SEMA5B: variants seen among roughly 807,000 people sequenced by gnomAD.
SEMA5B encodes the protein semaphorin-5B.
In SEMA5B, 66 loss-of-function variants were observed where a neutral mutation model predicts 135.0. The ratio of observed to expected loss-of-function variants is 0.49; its 90% CI spans 0.40 to 0.60. The LOEUF (loss-of-function observed/expected upper bound fraction) is 0.60, where lower values mean the gene tolerates loss of function less well. Ranked by LOEUF, SEMA5B falls within the 20% of genes least tolerant of loss-of-function variation. The probability of loss-of-function intolerance (pLI) is 0.00; values close to 1 mark genes in which losing one functional copy is unlikely to be tolerated. For synonymous variants in SEMA5B, 690 were observed against 639.5 expected (o/e 1.08, Z -1.19); for missense variants, 1,501 against 1,566.3 (o/e 0.96, Z 0.70).
chr3:123,022,883 C>T (rs755309769), intron 1 of SEMA5B, among the ~76,000 whole-genome samples: 4 of 152,210 alleles, frequency 2.6e-5, no homozygotes, highest in Non-Finnish European at 4.4e-5. Context: ...TCAGCTGGAA[C>T]TTCTCCCTGC....
chr3:122,948,588 G>A lies in SEMA5B; in HGVS notation c.246C>T (p.Ser82=), dbSNP rs769828234. Residue 82 remains serine, a synonymous_variant, in exon 3 of 23, where the codon TCC becomes TCT. Coordinates refer to ENST00000357599, the MANE Select transcript of SEMA5B (RefSeq NM_001031702.4). ...GCTCACTGGAGACATCCTGGGAGCT[G>A]GAGAGGTGGGACACCAGCAGTGTGA... ...PSLTLLVSHL[S]SSQDVSSEPS... 3.1e-6 allele frequency: 5 copies of A among 1,614,026 alleles called. No homozygotes were observed. The highest frequency in any genetic ancestry group is 4.2e-6 in the Non-Finnish European group (5 of 1,179,934).
chr3:122,989,154 T>C (rs764498086), intron 1 of SEMA5B, among the ~76,000 whole-genome samples: 4 of 152,242 alleles, frequency 2.6e-5, no homozygotes, highest in Non-Finnish European at 5.9e-5. Context: ...TCCACACCCC[T>C]GCTCTGGGAG....
At chr3:122,970,023 G>T (rs1362501382) in intron 1 of SEMA5B, among the ~76,000 whole-genome samples, 1 of 152,166 alleles carries the variant, frequency 6.6e-6, no homozygotes, top group African/African-American at 2.4e-5. Context: ...CCGTGTCTCG[G>T]CTGATGTTCA....
intron 1 of SEMA5B, among the ~76,000 whole-genome samples, chr3:122,969,537 C>G (rs1228652874): frequency 6.6e-6 from 1 of 152,206 alleles, no homozygotes; most frequent in East Asian, 1.9e-4. Flanking sequence ...CTGCCAGGGC[C>G]TCTGATCGTA....
chr3:123,013,480 C>T lies in SEMA5B; in HGVS notation c.-39+13984G>A, dbSNP rs533899950. Among the ~76,000 whole-genome samples, 7 of 152,314 alleles carry T rather than the reference C, an allele frequency of 4.6e-5. 1 individual carries two copies. In the East Asian group the frequency reaches 7.7e-4, roughly 17 times the overall value. On this transcript the variant is annotated intron_variant, in intron 1 of 22. Transcript: ENST00000357599. ...TGTGTCATTCAATTCCCATGACAAC[C>T]TTCTGAAGTAGGTATGATGGCCATT...
rs139759730 is a variant in SEMA5B at position 122,944,248 on chromosome 3, T to C, written c.329-713A>G. ...TCCACCCCAGCCACACTAAAACACT[T>C]CACACTTCCCCAAATCCATCCCACA... On this transcript the variant is annotated intron_variant, in intron 3 of 22. Coordinates refer to ENST00000357599, the MANE Select transcript of SEMA5B (RefSeq NM_001031702.4). Among the ~76,000 whole-genome samples the C allele has an allele frequency of 6.6e-3, 1,000 of 152,256 alleles. 4 individuals are homozygous for C. The highest frequency in any genetic ancestry group is 0.024 in the Middle Eastern group (7 of 294).
chr3:123,004,152 A>T (rs1051940167), intron 1 of SEMA5B, among the ~76,000 whole-genome samples: 2 of 152,198 alleles, frequency 1.3e-5, no homozygotes, highest in African/African-American at 4.8e-5. Flanking sequence ...CTCCGGGAGG[A>T]GGTGTGGAAT....
Position 122,909,942 on chromosome 3 carries a change from A to G in SEMA5B, c.*201T>C, listed in dbSNP as rs1228055069. 1 of 590,222 alleles carries G rather than the reference A, an allele frequency of 1.7e-6. No individual in the cohort carries two copies. Among genetic ancestry groups the G allele is most frequent in the Non-Finnish European group, 3.0e-6 (1 of 333,180 alleles). The allele number at this position is 590,222 out of a possible 1,614,324, so 36.6% of individuals were successfully genotyped here. A position where few individuals can be genotyped will look rare whatever the true frequency, so the allele number is the denominator to read the frequency against. ...CCTGGGCTGAACTGGACCTGCGGCC[A>G]TATGTCAGCCTGAAACCAGCCCTTT... On this transcript the variant is annotated 3_prime_UTR_variant, in exon 23 of 23. Transcript: ENST00000357599.
At chr3:122,923,373 G>A (rs771929008) in intron 10 of SEMA5B, among the ~76,000 whole-genome samples, 4 of 152,202 alleles carry the variant, frequency 2.6e-5, no homozygotes, top group Non-Finnish European at 4.4e-5. Context: ...CCTCCCTGGA[G>A]GTGTGGGCTC....
intron 1 of SEMA5B, among the ~76,000 whole-genome samples, chr3:122,995,421 A>AC (rs1942001453): frequency 6.6e-6 from 1 of 152,214 alleles, no homozygotes; most frequent in Non-Finnish European, 1.5e-5. Context: ...CCCTGGGATG[A>AC]CAGGGTGGCC....
intron 1 of SEMA5B, among the ~76,000 whole-genome samples, chr3:123,002,207 A>G (rs1942194782): frequency 6.6e-6 from 1 of 152,196 alleles, no homozygotes; most frequent in South Asian, 2.1e-4. Flanking sequence ...TTGGAGCCCT[A>G]TGCTGGAGTC....
Position 122,926,474 on chromosome 3 carries a change from C to G in SEMA5B, c.1054G>C (p.Val352Leu), listed in dbSNP as rs1417737127. 1.2e-6 allele frequency: 2 copies of G among 1,614,206 alleles called. No homozygotes were observed. The highest frequency in any genetic ancestry group is 1.6e-4 in the Middle Eastern group (1 of 6,062). The change falls in exon 9 of 23, where the codon GTC (valine) becomes CTC (leucine). Residue 352 changes from valine to leucine, a missense_variant. Physicochemically the swap from Val to Leu is conservative, Grantham distance 32 (BLOSUM62 1). Around this residue, in one of 2 missense-constraint regions of SEMA5B, gnomAD observed 574 missense variants for 684.7 expected, o/e 0.84. Transcript: ENST00000357599. ...TGCAGCTCGTTATAGTAGAAGGGGA[C>G]CTCGCCCGGGCGGGAGCAGTTGAGC... ...ARLNCSRPGEVPFYYNELQSA... is the reference protein window; with the variant it reads ...ARLNCSRPGELPFYYNELQSA...
At chr3:123,026,991 G>A (rs371175458) in intron 1 of SEMA5B, 1,831 of 153,596 alleles carry the variant, frequency 0.012, 18 homozygotes, top group Middle Eastern at 0.029. Flanking sequence ...CCCTGAGCGG[G>A]AGATTTCACA....
At chr3:122,941,653 G>A (rs561342173) in intron 4 of SEMA5B, among the ~76,000 whole-genome samples, 7 of 152,348 alleles carry the variant, frequency 4.6e-5, no homozygotes, top group East Asian at 1.9e-4. Context: ...TGGCCGGTGC[G>A]GAATAAATGG....
chr3:122,954,161 G>A (rs1292743629), intron 2 of SEMA5B, among the ~76,000 whole-genome samples: 1 of 152,244 alleles, frequency 6.6e-6, no homozygotes, highest in Non-Finnish European at 1.5e-5. Flanking sequence ...CTGGCCTCAA[G>A]TAATCCCTCA....
chr3:122,951,218 T>TTATA (rs1314060452), intron 2 of SEMA5B, among the ~76,000 whole-genome samples: 2 of 152,234 alleles, frequency 1.3e-5, no homozygotes, highest in African/African-American at 2.4e-5. Context: ...GCAGAACAGC[T>TTATA]TATTAGCATG....
At position 122,915,439 on chromosome 3, in the gene SEMA5B, C is replaced by A; in HGVS notation, c.1988+1G>T. The A allele has an allele frequency of 1.2e-6, 2 of 1,607,986 alleles. No homozygotes were observed. Among genetic ancestry groups the A allele is most frequent in the Non-Finnish European group, 1.7e-6 (2 of 1,176,446 alleles). On this transcript the variant is annotated splice_donor_variant, in intron 14 of 22. Transcript: ENST00000357599. LOFTEE classifies it high-confidence loss of function. ...ACCATGTAAACCCTGTCCTCACATA[C>A]CTGGAGCAGTTGGCGATGTGGATGG...
intron 5 of SEMA5B, among the ~76,000 whole-genome samples, chr3:122,931,099 AG>A (rs1938949472): frequency 6.6e-6 from 1 of 152,238 alleles, no homozygotes; most frequent in Non-Finnish European, 1.5e-5. Context: ...GAGTTTAAAA[AG>A]TTAAATAGTA....
chr3:122,997,406 T>C (rs974878164), intron 1 of SEMA5B, among the ~76,000 whole-genome samples: 2 of 151,880 alleles, frequency 1.3e-5, no homozygotes, highest in African/African-American at 4.8e-5. Context: ...CTCCAGAAGA[T>C]TTTCTCTACT....
Sources: gnomAD v4.1 joint callset for allele counts (sites outside exome capture counted in the v4.1 genomes callset) on GRCh38, gnomAD v4.1.1 for gene constraint, gnomAD v4.1.1 regional missense constraint, MANE v1.5 for transcripts, NCBI Gene and HGNC (gene_info 2026-07-23, HGNC 2026-07-21) for gene names.